The following EIF4E2 variants were observed in gnomAD, a reference collection of about 807,000 sequenced individuals.
The protein encoded by EIF4E2 is eukaryotic translation initiation factor 4E type 2.
Under a neutral mutation model 34.2 loss-of-function variants are expected in EIF4E2, and 13 were observed. The observed-to-expected ratio is 0.38, with a 90% CI of 0.25 to 0.60. EIF4E2 has a LOEUF of 0.60. Among genes scored for constraint, EIF4E2 ranks in the 20% least tolerant of loss-of-function variants. The probability of loss-of-function intolerance (pLI) is 0.62; values close to 1 mark genes in which losing one functional copy is unlikely to be tolerated. For synonymous variants in EIF4E2, 100 were observed against 106.6 expected (o/e 0.94, Z 0.38); for missense variants, 222 against 315.1 (o/e 0.70, Z 2.24).
intron 6 of EIF4E2, chr2:232,580,825 C>A: frequency 7.7e-7 from 1 of 1,305,394 alleles, no homozygotes; most frequent in Non-Finnish European, 1.1e-6. Context: ...GATGAGTCAG[C>A]ATCCCCCTGT....
At chr2:232,574,164 G>T, downstream of EIF4E2, 1 of 1,226,134 alleles carries the variant, frequency 8.2e-7, no homozygotes, top group South Asian at 1.3e-5. Flanking sequence ...CGGCTTGGAG[G>T]GCATCTGAAG....
chr2:232,556,573 ACTTTTATTAT>A (rs1559313397), intron 2 of EIF4E2, 43 bp downstream of exon 2: 2 of 1,336,800 alleles, frequency 1.5e-6, no homozygotes, highest in Non-Finnish European at 2.0e-6. Flanking sequence ...TGAACTTGAG[ACTTTTATTAT>A]CTTGTGGAAT....
At chr2:232,551,134 C>T in intron 1 of EIF4E2, 1 of 556,186 alleles carries the variant, frequency 1.8e-6, no homozygotes, top group Non-Finnish European at 3.5e-6. Context: ...CCACACACTC[C>T]CTCTCCCCTC....
chr2:232,570,304 G>A (rs956723043), downstream of EIF4E2, among the ~76,000 whole-genome samples: 2 of 152,182 alleles, frequency 1.3e-5, no homozygotes, highest in Non-Finnish European at 2.9e-5. Context: ...AAAATTGGTT[G>A]AAGTACCTAT....
chr2:232,577,674 G>C (rs1438138633), intron 6 of EIF4E2, among the ~76,000 whole-genome samples: 2 of 152,198 alleles, frequency 1.3e-5, no homozygotes, highest in African/African-American at 4.8e-5. Flanking sequence ...TCTGAATGGG[G>C]CTCTCGGATA....
intron 6 of EIF4E2, chr2:232,574,326 G>A: frequency 6.4e-7 from 1 of 1,550,556 alleles, no homozygotes; most frequent in Non-Finnish European, 8.7e-7. Flanking sequence ...CTCCCCCTCT[G>A]TCTCTCACAC....
rs1450461165 is a variant in EIF4E2 at position 232,566,411 on chromosome 2, C to T, written c.376-418C>T. 1.3e-5 allele frequency among the ~76,000 whole-genome samples: 2 copies of T among 152,198 alleles called. No homozygotes were observed. Among genetic ancestry groups the T allele is most frequent in the Non-Finnish European group, 2.9e-5 (2 of 68,040 alleles). On this transcript the variant is annotated intron_variant, in intron 4 of 6. Coordinates refer to ENST00000258416, the MANE Select transcript of EIF4E2 (RefSeq NM_004846.4). This position sits in a 1 kb window ranked among gnomAD's most constrained non-coding sequence, Gnocchi z 4.9. ...TTCACCGTGTCAGCCAGGATGGTCT[C>T]GATCTCCTCACCTCGTGATTCGCCC...
chr2:232,554,944 T>A (rs1254582611), intron 1 of EIF4E2, among the ~76,000 whole-genome samples: 1 of 152,168 alleles, frequency 6.6e-6, no homozygotes, highest in East Asian at 1.9e-4. Context: ...TGGACTACCC[T>A]TTGGTCAGGT....
intron 3 of EIF4E2, among the ~76,000 whole-genome samples, chr2:232,559,111 T>C (rs189905305): frequency 6.6e-5 from 10 of 151,532 alleles, no homozygotes; most frequent in Admixed American, 1.3e-4. Context: ...TTGGGAGATA[T>C]ACCTAATGCT....
chr2:232,553,673 G>T (rs1359345126), intron 1 of EIF4E2, among the ~76,000 whole-genome samples: 1 of 152,222 alleles, frequency 6.6e-6, no homozygotes, highest in Non-Finnish European at 1.5e-5. Flanking sequence ...TAGCTTGTAA[G>T]ATTTGCCTTA....
intron 1 of EIF4E2, among the ~76,000 whole-genome samples, chr2:232,551,863 A>T: frequency 6.6e-6 from 1 of 152,108 alleles, no homozygotes; most frequent in East Asian, 1.9e-4. Context: ...GTCCTCAGGA[A>T]TGTTTTCTGG....
intron 6 of EIF4E2, among the ~76,000 whole-genome samples, chr2:232,580,288 A>G (rs1318258018): frequency 1.3e-5 from 2 of 152,144 alleles, no homozygotes; most frequent in African/African-American, 4.8e-5. Flanking sequence ...TTTTGTTCAT[A>G]TAAGACCAGG....
At chr2:232,572,244 G>A (rs1410306287), downstream of EIF4E2, among the ~76,000 whole-genome samples, 1 of 152,196 alleles carries the variant, frequency 6.6e-6, no homozygotes, top group African/African-American at 2.4e-5. Flanking sequence ...CTAGTTTTAG[G>A]TGGTAGATTT....
intron 6 of EIF4E2, among the ~76,000 whole-genome samples, chr2:232,575,379 A>C (rs1187240575): frequency 9.4e-6 from 1 of 106,774 alleles, no homozygotes; most frequent in African/African-American, 3.2e-5. Flanking sequence ...GATGCCACCC[A>C]TACCTTTTTT....
intron 3 of EIF4E2, among the ~76,000 whole-genome samples, chr2:232,562,178 G>A (rs1482946177): frequency 6.6e-6 from 1 of 151,966 alleles, no homozygotes; most frequent in Non-Finnish European, 1.5e-5. Context: ...TCACACTGCT[G>A]CACTCCAGCC....
At chr2:232,560,257 GT>G (rs1179381790) in intron 3 of EIF4E2, among the ~76,000 whole-genome samples, 1 of 152,128 alleles carries the variant, frequency 6.6e-6, no homozygotes, top group Non-Finnish European at 1.5e-5. Flanking sequence ...GGAAAGAATC[GT>G]CTTTTCAACA....
chr2:232,582,949 G>T (rs1303940390), exon 7 of EIF4E2: 3 of 152,192 alleles, frequency 2.0e-5, no homozygotes, highest in Non-Finnish European at 4.4e-5. Flanking sequence ...AGAGCAAGGG[G>T]TTATGCCTGT....
intron 3 of EIF4E2, among the ~76,000 whole-genome samples, chr2:232,559,603 T>C (rs1052591303): frequency 6.6e-6 from 1 of 152,096 alleles, no homozygotes; most frequent in African/African-American, 2.4e-5. Context: ...ATTATCCATG[T>C]TTTACAAATG....
intron 3 of EIF4E2, 63 bp downstream of exon 3, chr2:232,558,081 A>G (rs1195599523): frequency 8.3e-6 from 13 of 1,563,256 alleles, no homozygotes; most frequent in Non-Finnish European, 1.1e-5. Context: ...TATTGATATG[A>G]TGTTTATTTA....
Sources: allele counts gnomAD v4.1 joint callset (sites outside exome capture counted in the v4.1 genomes callset), GRCh38; gene constraint gnomAD v4.1.1; non-coding constraint Gnocchi (gnomAD v3.1); transcripts MANE v1.5; gene names NCBI Gene and HGNC (gene_info 2026-07-23, HGNC 2026-07-21).